Variants in OXCT1 observed in about 807,000 individuals in gnomAD.
OXCT1 encodes succinyl-CoA:3-ketoacid coenzyme A transferase 1, mitochondrial.
A neutral mutation model predicts 69.6 loss-of-function variants in OXCT1; 27 were observed. The observed-to-expected ratio is 0.39, with a 90% CI of 0.29 to 0.54. The LOEUF (loss-of-function observed/expected upper bound fraction) is 0.54. OXCT1 is among the 20% of genes least tolerant of loss of function. The pLI, the probability that OXCT1 is intolerant of heterozygous loss-of-function variation, is 0.72. For missense variants in OXCT1, 437 were observed against 650.2 expected (o/e 0.67, Z 3.57); for synonymous variants, 202 against 217.8 (o/e 0.93, Z 0.64).
At chr5:41,853,622 G>T in intron 3 of OXCT1, 68 bp from the exon 4 acceptor site, 1 of 1,503,224 alleles carries the variant, frequency 6.7e-7, no homozygotes. Flanking sequence ...TTTTTAAAGA[G>T]ATAAAACTTT....
At chr5:41,846,904 G>T (rs1180660893) in intron 5 of OXCT1, among the ~76,000 whole-genome samples, 2 of 152,082 alleles carry the variant, frequency 1.3e-5, no homozygotes, top group Non-Finnish European at 2.9e-5. Context: ...ATTTTTTCAT[G>T]TTTTTTGGCT....
At chr5:41,737,545 C>A (rs1426276221) in intron 16 of OXCT1, among the ~76,000 whole-genome samples, 1 of 152,166 alleles carries the variant, frequency 6.6e-6, no homozygotes, top group Admixed American at 6.5e-5. Flanking sequence ...GCTTTTCTCA[C>A]TGGAGTGAGA....
intron 14 of OXCT1, among the ~76,000 whole-genome samples, chr5:41,750,670 A>G (rs1743737369): frequency 6.6e-6 from 1 of 152,134 alleles, no homozygotes; most frequent in Admixed American, 6.6e-5. Flanking sequence ...TATCTAGTTT[A>G]TATCTCTCCC....
intron 1 of OXCT1, among the ~76,000 whole-genome samples, chr5:41,864,511 T>A (rs1044413222): frequency 1.3e-5 from 2 of 152,222 alleles, no homozygotes; most frequent in South Asian, 4.1e-4. Flanking sequence ...TTTTTTAATA[T>A]ATTAGAAATT....
At chr5:41,789,721 C>A (rs1189350555) in intron 13 of OXCT1, among the ~76,000 whole-genome samples, 1 of 152,190 alleles carries the variant, frequency 6.6e-6, no homozygotes, top group African/African-American at 2.4e-5. Flanking sequence ...TCCTGAGCCT[C>A]AGGACCAAAT....
At chr5:41,807,257 C>T in intron 8 of OXCT1, 74 bp downstream of exon 8, 1 of 838,458 alleles carries the variant, frequency 1.2e-6, no homozygotes, top group Non-Finnish European at 2.1e-6. Context: ...TCCCCATCAT[C>T]TCGAATGGCC....
intron 4 of OXCT1, among the ~76,000 whole-genome samples, chr5:41,851,598 C>G (rs72746975): frequency 0.057 from 8,715 of 152,048 alleles, 274 homozygotes; most frequent in African/African-American, 0.08. Flanking sequence ...TCCCCACCAT[C>G]GATACTCCTC....
intron 9 of OXCT1, 103 bp from the exon 10 acceptor site, chr5:41,803,266 G>T: frequency 1.3e-6 from 1 of 763,438 alleles, no homozygotes; most frequent in Non-Finnish European, 2.3e-6. Flanking sequence ...TTTAAAGGTG[G>T]CTTACTCTGA....
intron 16 of OXCT1, among the ~76,000 whole-genome samples, chr5:41,737,785 G>A (rs1742961920): frequency 6.6e-6 from 1 of 152,222 alleles, no homozygotes; most frequent in Admixed American, 6.5e-5. Context: ...GCCGGGCACG[G>A]TGGCTCACGC....
chr5:41,865,471 C>T (rs1046868258), intron 1 of OXCT1, among the ~76,000 whole-genome samples: 1 of 152,170 alleles, frequency 6.6e-6, no homozygotes, highest in Non-Finnish European at 1.5e-5. Context: ...CAATGAAGAA[C>T]CTGCAGGTAC....
At chr5:41,740,285 A>T (rs1378596010) in intron 15 of OXCT1, among the ~76,000 whole-genome samples, 4 of 152,224 alleles carry the variant, frequency 2.6e-5, no homozygotes, top group Non-Finnish European at 4.4e-5. Context: ...AGTGTCTAGG[A>T]GTAATTATAA....
intron 7 of OXCT1, among the ~76,000 whole-genome samples, chr5:41,816,089 T>A (rs981625365): frequency 9.8e-5 from 15 of 152,296 alleles, no homozygotes; most frequent in Admixed American, 8.5e-4. Context: ...GAATTCAGCA[T>A]GAGGATGACT....
chr5:41,739,382 A>T lies in OXCT1; in HGVS notation c.1521+8T>A. On this transcript the variant is annotated splice_region_variant and intron_variant, in intron 16 of 16. Transcript: ENST00000196371. ...CAAGTGTCTGGATTTGTTCACAGAA[A>T]TACTTACTGCAAAATCACACCCAGT... is the stretch of plus-strand genomic sequence containing the variant. 6.4e-7 allele frequency: 1 copy of T among 1,570,754 alleles called. No homozygotes were observed. The highest frequency in any genetic ancestry group is 8.8e-7 in the Non-Finnish European group (1 of 1,140,528).
chr5:41,821,649 G>T (rs979985229), intron 7 of OXCT1, among the ~76,000 whole-genome samples: 1 of 152,144 alleles, frequency 6.6e-6, no homozygotes, highest in Non-Finnish European at 1.5e-5. Flanking sequence ...ATTCTAATAG[G>T]TGTGTAATGG....
At position 41,820,084 on chromosome 5, in the gene OXCT1, T is replaced by C. The variant is rs538884103; in HGVS notation, c.733-12646A>G. Among the ~76,000 whole-genome samples, 3 of 151,990 alleles carry C rather than the reference T, an allele frequency of 2.0e-5. No individual in the cohort carries two copies. The South Asian group carries it at 6.2e-4, about 32-fold the overall frequency. On this transcript the variant is annotated intron_variant, in intron 7 of 16. Coordinates refer to ENST00000196371, the MANE Select transcript of OXCT1 (RefSeq NM_000436.4). Reference sequence around the variant, plus strand: ...CACAACTCCTCAACTAAGTGGGAGGTTTAAGAACACCTGGGAATAAAATAA... The same window carrying C: ...CACAACTCCTCAACTAAGTGGGAGGCTTAAGAACACCTGGGAATAAAATAA...
At chr5:41,805,450 A>G in intron 9 of OXCT1, 117 bp downstream of exon 9, 1 of 699,404 alleles carries the variant, frequency 1.4e-6, no homozygotes, top group East Asian at 2.7e-5. Flanking sequence ...TTGATTAATT[A>G]CCTTAAAAGT....
chr5:41,815,258 G>A (rs1747184114), intron 7 of OXCT1, among the ~76,000 whole-genome samples: 1 of 152,122 alleles, frequency 6.6e-6, no homozygotes, highest in South Asian at 2.1e-4. Flanking sequence ...AATAAAAGCA[G>A]TCTAAGACAA....
chr5:41,754,024 C>T (rs1176997160), intron 14 of OXCT1, among the ~76,000 whole-genome samples: 1 of 152,074 alleles, frequency 6.6e-6, no homozygotes, highest in Non-Finnish European at 1.5e-5. Flanking sequence ...CACTTTAGGA[C>T]TGTAGCCCAA....
At chr5:41,833,026 G>C (rs1308307039) in intron 7 of OXCT1, among the ~76,000 whole-genome samples, 3 of 151,886 alleles carry the variant, frequency 2.0e-5, no homozygotes, top group Non-Finnish European at 2.9e-5. Flanking sequence ...GCCTCGAAAG[G>C]GCCAATACTA....
Sources: gnomAD v4.1 joint callset for allele counts (sites outside exome capture counted in the v4.1 genomes callset) on GRCh38, gnomAD v4.1.1 for gene constraint, MANE v1.5 for transcripts, NCBI Gene and HGNC (gene_info 2026-07-23, HGNC 2026-07-21) for gene names.